The following FAT3 variants were observed in gnomAD, a reference collection of about 807,000 sequenced individuals.
The protein encoded by FAT3 is FAT atypical cadherin 3, also known as protocadherin Fat 3.
FAT3 carries 95 observed loss-of-function variants against 310.2 expected under a neutral mutation model. The observed-to-expected ratio is 0.31, with a 90% CI of 0.26 to 0.36. FAT3 has a LOEUF of 0.36. Among genes scored for constraint, FAT3 ranks in the 10% least tolerant of loss-of-function variants. The pLI, the probability that FAT3 is intolerant of heterozygous loss-of-function variation, is 1.00. For missense variants in FAT3, 5,408 were observed against 5,715.6 expected (o/e 0.95, Z 1.74); for synonymous variants, 2,314 against 2,192.9 (o/e 1.06, Z -1.54).
chr11:92,483,207 A>G (rs1359992392), intron 2 of FAT3, among the ~76,000 whole-genome samples: 1 of 152,188 alleles, frequency 6.6e-6, no homozygotes, highest in Non-Finnish European at 1.5e-5. Flanking sequence ...GCCCTGGGCA[A>G]TCTGGAAGGA....
intron 2 of FAT3, among the ~76,000 whole-genome samples, chr11:92,456,743 ATATT>A (rs1241986338): frequency 2.6e-5 from 4 of 152,198 alleles, no homozygotes; most frequent in East Asian, 1.9e-4. Context: ...CTATTAATAA[ATATT>A]TATCAGCCAT....
At chr11:92,450,255 T>G (rs945723304) in intron 2 of FAT3, among the ~76,000 whole-genome samples, 4 of 152,354 alleles carry the variant, frequency 2.6e-5, no homozygotes, top group African/African-American at 7.2e-5. Context: ...TATTTAAAAT[T>G]AACAATTTTG....
intron 7 of FAT3, among the ~76,000 whole-genome samples, chr11:92,777,607 A>G (rs1192692907): frequency 6.6e-6 from 1 of 152,182 alleles, no homozygotes; most frequent in African/African-American, 2.4e-5. Context: ...GGATATTATT[A>G]TACTTTTTAT....
At chr11:92,824,444 T>C (rs1358572417) in intron 13 of FAT3, among the ~76,000 whole-genome samples, 3 of 152,214 alleles carry the variant, frequency 2.0e-5, no homozygotes, top group Non-Finnish European at 4.4e-5. Context: ...AGTGATTTTC[T>C]AAGTAAAGCC....
rs529916152 is a variant in FAT3 at position 92,793,940 on chromosome 11, A to C, written c.4822+963A>C. Among the ~76,000 whole-genome samples the C allele has an allele frequency of 1.8e-4, 28 of 152,282 alleles. No individual in the cohort carries two copies. In the South Asian group the frequency reaches 5.6e-3, roughly 30 times the overall value. On this transcript the variant is annotated intron_variant, in intron 9 of 27. Transcript: ENST00000525166. ...AAAGAAAAGCCAACAACCTTCTAAA[A>C]AAAAAAAGTTCTTTCATTGAATGAT... is the stretch of plus-strand genomic sequence containing the variant.
chr11:92,306,143 C>G (rs1181915620), intron 1 of FAT3, among the ~76,000 whole-genome samples: 1 of 152,014 alleles, frequency 6.6e-6, no homozygotes, highest in Non-Finnish European at 1.5e-5. Context: ...TTAACTCCTT[C>G]ATGCCCTGTC....
intron 2 of FAT3, among the ~76,000 whole-genome samples, chr11:92,442,111 A>ATATTTTTTTTTT (rs1453396603): frequency 4.4e-5 from 2 of 45,222 alleles, no homozygotes; most frequent in Non-Finnish European, 3.1e-5. Flanking sequence ...ATATATATAT[A>ATATTTTTTTTTT]TTTTTTTTTT....
At chr11:92,764,731 C>T in intron 5 of FAT3, 148 bp from the exon 6 acceptor site, 1 of 710,440 alleles carries the variant, frequency 1.4e-6, no homozygotes, top group Non-Finnish European at 2.3e-6. Context: ...ATTCCCAAGT[C>T]TTTACTCCCC....
chr11:92,484,366 G>A (rs1392400721), intron 2 of FAT3, among the ~76,000 whole-genome samples: 1 of 151,966 alleles, frequency 6.6e-6, no homozygotes, highest in Non-Finnish European at 1.5e-5. Flanking sequence ...CTATTTCCTA[G>A]TGTTTGACTA....
chr11:92,471,811 T>C (rs1030965980), intron 2 of FAT3, among the ~76,000 whole-genome samples: 4 of 151,686 alleles, frequency 2.6e-5, no homozygotes, highest in Non-Finnish European at 1.5e-5. Context: ...ATATTATACA[T>C]CTGTGAAATG....
intron 3 of FAT3, among the ~76,000 whole-genome samples, chr11:92,662,809 A>C (rs991369066): frequency 1.3e-5 from 2 of 152,162 alleles, no homozygotes; most frequent in Admixed American, 6.5e-5. Context: ...TTTATTCCCC[A>C]CTGGGAACTG....
chr11:92,789,485 CT>C (rs1946982497), intron 7 of FAT3, among the ~76,000 whole-genome samples: 1 of 152,180 alleles, frequency 6.6e-6, no homozygotes, highest in Non-Finnish European at 1.5e-5. Flanking sequence ...CACTGAGAAG[CT>C]GTGACTGCTC....
chr11:92,268,455 A>G (rs1314677624), intron 1 of FAT3, among the ~76,000 whole-genome samples: 1 of 151,288 alleles, frequency 6.6e-6, no homozygotes, highest in Admixed American at 6.6e-5. Flanking sequence ...TGTAACAGAA[A>G]TTGGTATAGA....
rs182060933 is a variant in FAT3 at position 92,582,762 on chromosome 11, A to G, written c.3607+57814A>G. On this transcript the variant is annotated intron_variant, in intron 3 of 27. Coordinates refer to ENST00000525166, the MANE Select transcript of FAT3 (RefSeq NM_001367949.2). ...TTCTATCTGTTTAAAGGAGTGAATT[A>G]CATGGCCTCTGGGTCATCTTCAGAT... Among the ~76,000 whole-genome samples the G allele has an allele frequency of 4.1e-4, 63 of 152,176 alleles. No homozygotes were observed. In the East Asian group the frequency reaches 0.011, roughly 27 times the overall value.
chr11:92,800,348 C>G lies in FAT3; in HGVS notation c.7335C>G (p.Asp2445Glu). Residue 2445 changes from aspartate to glutamate, a missense_variant, in exon 10 of 28, where the codon GAC (aspartate) becomes GAG (glutamate). Asp to Glu is a conservative substitution (Grantham distance 45). Around this residue, in one of 5 missense-constraint regions of FAT3, gnomAD observed 4,588 missense variants for 4,809.8 expected, o/e 0.95. Transcript: ENST00000525166. ...ATGACCGGACGAGCTTTCTGATGGACAGCAAGAGTGGAGTTATCACATTGT... is the reference window on the plus strand; with the variant it reads ...ATGACCGGACGAGCTTTCTGATGGAGAGCAAGAGTGGAGTTATCACATTGT... ...SGNDRTSFLMDSKSGVITLSN... is the reference protein window; with the variant it reads ...SGNDRTSFLMESKSGVITLSN... 6.2e-7 allele frequency: 1 copy of G among 1,613,966 alleles called. No homozygotes were observed. Among genetic ancestry groups the G allele is most frequent in the Non-Finnish European group, 8.5e-7 (1 of 1,179,888 alleles).
chr11:92,837,557 G>A, intron 16 of FAT3, 106 bp from the exon 17 acceptor site: 3 of 1,341,450 alleles, frequency 2.2e-6, no homozygotes, highest in Non-Finnish European at 2.0e-6. Context: ...AACTAAAGAT[G>A]GTTGCTCTTT....
intron 3 of FAT3, among the ~76,000 whole-genome samples, chr11:92,573,125 G>A (rs1217961826): frequency 6.6e-6 from 1 of 152,106 alleles, no homozygotes; most frequent in Middle Eastern, 3.2e-3. Flanking sequence ...TTATGCAGGT[G>A]CTATCAGGAC....
At chr11:92,573,380 A>C (rs1170083161) in intron 3 of FAT3, among the ~76,000 whole-genome samples, 2 of 152,162 alleles carry the variant, frequency 1.3e-5, no homozygotes, top group Non-Finnish European at 2.9e-5. Flanking sequence ...CCCTAGTAAC[A>C]TCCCTCTGCT....
intron 3 of FAT3, among the ~76,000 whole-genome samples, chr11:92,684,699 T>C (rs932169773): frequency 2.6e-5 from 4 of 152,168 alleles, no homozygotes; most frequent in Non-Finnish European, 5.9e-5. Flanking sequence ...AAGCTAGATA[T>C]AGATGCTTAT....
Sources: allele counts gnomAD v4.1 joint callset (sites outside exome capture counted in the v4.1 genomes callset), GRCh38; gene constraint gnomAD v4.1.1; regional missense constraint gnomAD v4.1.1; transcripts MANE v1.5; gene names NCBI Gene and HGNC (gene_info 2026-07-23, HGNC 2026-07-21).